GAB2: variants seen among roughly 807,000 people sequenced by gnomAD.
GAB2 encodes GRB2 associated binding protein 2.
Under a neutral mutation model 65.5 loss-of-function variants are expected in GAB2, and 26 were observed. That is an observed-to-expected ratio of 0.40 (90% CI 0.29 to 0.55). The LOEUF is 0.55. GAB2 is among the 20% of genes least tolerant of loss of function. The pLI is 0.53. For missense variants in GAB2, 884 were observed against 875.8 expected (o/e 1.01, Z -0.12); for synonymous variants, 321 against 329.6 (o/e 0.97, Z 0.28).
rs772994383 is a variant in GAB2 at position 78,219,429 on chromosome 11, G to A, written c.1888-14C>T. 2.5e-6 allele frequency: 4 copies of A among 1,613,306 alleles called. No homozygotes were observed. The highest frequency in any genetic ancestry group is 3.3e-5 in the Admixed American group (2 of 59,988). ...TGAAGTAGATGGCTGAGGGGACAGA[G>A]TGGGAAAGAGGGAGTAGCTGTGAGT... On this transcript the variant is annotated splice_polypyrimidine_tract_variant and intron_variant, in intron 9 of 9. Transcript: ENST00000361507.
At chr11:78,272,083 T>C (rs1272365634) in intron 2 of GAB2, among the ~76,000 whole-genome samples, 1 of 152,218 alleles carries the variant, frequency 6.6e-6, no homozygotes, top group African/African-American at 2.4e-5. Flanking sequence ...GAACTGTAAC[T>C]CCATTATGTC....
rs56709163 is a variant in GAB2, at chr11:78,322,298, C to CAAA, written c.76-41400_76-41398dup. Among the ~76,000 whole-genome samples, 33 of 12,078 alleles carry CAAA rather than the reference C, an allele frequency of 2.7e-3. 2 individuals carry two copies. Among genetic ancestry groups the CAAA allele is most frequent in the African/African-American group, 6.2e-3 (31 of 4,970 alleles). The allele number at this position is 12,078 out of a possible 152,430, so 7.9% of individuals were successfully genotyped here. A position where few individuals can be genotyped will look rare whatever the true frequency, so the allele number is the denominator to read the frequency against. On this transcript the variant is annotated intron_variant, in intron 1 of 9. Transcript: ENST00000361507. The stretch of plus-strand genomic sequence containing the variant: ...TGGCTGACAGAGGGAGACTCTGTCT[C>CAAA]AAAAAAAAAAAAAAAAAAAAAAAAA...
intron 1 of GAB2, among the ~76,000 whole-genome samples, chr11:78,347,821 C>A (rs1037188430): frequency 3.9e-5 from 6 of 152,114 alleles, no homozygotes; most frequent in African/African-American, 1.4e-4. Context: ...AAGGAAAGGG[C>A]ATGACACAAA....
intron 1 of GAB2, among the ~76,000 whole-genome samples, chr11:78,398,435 T>C (rs889195604): frequency 6.6e-6 from 1 of 152,180 alleles, no homozygotes. Flanking sequence ...TTATAAGACT[T>C]ATGTACATGT....
intron 2 of GAB2, among the ~76,000 whole-genome samples, chr11:78,257,873 G>T (rs1365531759): frequency 6.6e-6 from 1 of 151,912 alleles, no homozygotes; most frequent in Non-Finnish European, 1.5e-5. Context: ...AAACTCTGGG[G>T]TCACACAGCC....
intron 2 of GAB2, among the ~76,000 whole-genome samples, chr11:78,254,168 A>G (rs905887260): frequency 1.4e-4 from 22 of 152,312 alleles, no homozygotes; most frequent in African/African-American, 5.3e-4. Flanking sequence ...AAGGATGAAA[A>G]GAATGAAATA....
chr11:78,233,492 A>G (rs1864902625), intron 3 of GAB2, among the ~76,000 whole-genome samples: 1 of 152,184 alleles, frequency 6.6e-6, no homozygotes, highest in South Asian at 2.1e-4. Context: ...TTTTTTGCCC[A>G]TTAAAAAAAT....
intron 1 of GAB2, among the ~76,000 whole-genome samples, chr11:78,299,719 AG>A (rs1866939657): frequency 6.6e-6 from 1 of 152,250 alleles, no homozygotes; most frequent in African/African-American, 2.4e-5. Context: ...AGATTAATTC[AG>A]GTGATCAAGT....
intron 1 of GAB2, among the ~76,000 whole-genome samples, chr11:78,380,212 A>AT (rs1856679925): frequency 2.6e-5 from 1 of 37,986 alleles, no homozygotes; most frequent in East Asian, 7.5e-4. Context: ...TTGAATGAGA[A>AT]CTTTTTTTTT....
intron 3 of GAB2, chr11:78,232,013 G>A (rs1463300611): frequency 1.3e-5 from 2 of 152,218 alleles, no homozygotes; most frequent in East Asian, 3.8e-4. Context: ...TATGAGATGA[G>A]GCAATCTTTG....
chr11:78,360,675 T>C (rs1234654625), intron 1 of GAB2, among the ~76,000 whole-genome samples: 1 of 152,050 alleles, frequency 6.6e-6, no homozygotes, highest in Non-Finnish European at 1.5e-5. Flanking sequence ...CTGGCCAACA[T>C]GGCGAAAACC....
At chr11:78,249,104 G>C (rs1176509008) in intron 3 of GAB2, among the ~76,000 whole-genome samples, 1 of 152,184 alleles carries the variant, frequency 6.6e-6, no homozygotes, top group Non-Finnish European at 1.5e-5. Flanking sequence ...AACAAAAGTA[G>C]GGTAGCATAG....
intron 3 of GAB2, among the ~76,000 whole-genome samples, chr11:78,246,222 G>A (rs1467236856): frequency 6.6e-6 from 1 of 151,758 alleles, no homozygotes; most frequent in Non-Finnish European, 1.5e-5. Flanking sequence ...GTGAGCCACA[G>A]TGTCCGGTGG....
rs56709163 is a variant in GAB2 at position 78,322,298 on chromosome 11, C to CAAAA, written c.76-41401_76-41398dup. ...TGGCTGACAGAGGGAGACTCTGTCT[C>CAAAA]AAAAAAAAAAAAAAAAAAAAAAAAA... On this transcript the variant is annotated intron_variant, in intron 1 of 9. Transcript: ENST00000361507. Among the ~76,000 whole-genome samples the CAAAA allele has an allele frequency of 2.1e-3, 25 of 12,070 alleles. 2 individuals carry two copies. The highest frequency in any genetic ancestry group is 2.7e-3 in the Non-Finnish European group (12 of 4,428). The allele number at this position is 12,070 out of a possible 152,430, so 7.9% of individuals were successfully genotyped here.
intron 3 of GAB2, among the ~76,000 whole-genome samples, chr11:78,246,263 G>A (rs1384641739): frequency 6.6e-6 from 1 of 152,120 alleles, no homozygotes; most frequent in Admixed American, 6.5e-5. Flanking sequence ...TTAGTTTCAA[G>A]TGTGTTTTCC....
At chr11:78,243,575 T>C (rs1865204724) in intron 3 of GAB2, among the ~76,000 whole-genome samples, 1 of 152,142 alleles carries the variant, frequency 6.6e-6, no homozygotes, top group Non-Finnish European at 1.5e-5. Flanking sequence ...GTGCAGTGGC[T>C]CATGCCTGTA....
At chr11:78,261,266 C>T (rs916116038) in intron 2 of GAB2, among the ~76,000 whole-genome samples, 16 of 152,056 alleles carry the variant, frequency 1.1e-4, no homozygotes, top group Non-Finnish European at 2.2e-4. Context: ...CCGGCCTGGG[C>T]GACAGAGTGA....
chr11:78,264,271 G>T (rs1446850844), intron 2 of GAB2, among the ~76,000 whole-genome samples: 1 of 151,062 alleles, frequency 6.6e-6, no homozygotes, highest in Non-Finnish European at 1.5e-5. Flanking sequence ...CCATATTCTG[G>T]GTCTTCTTTA....
chr11:78,224,275 A>G (rs1341660785), intron 5 of GAB2, among the ~76,000 whole-genome samples: 1 of 152,166 alleles, frequency 6.6e-6, no homozygotes, highest in Non-Finnish European at 1.5e-5. Context: ...GGCATAGTCC[A>G]TAGACTGTAG....
Sources: allele counts gnomAD v4.1 joint callset (sites outside exome capture counted in the v4.1 genomes callset), GRCh38; gene constraint gnomAD v4.1.1; transcripts MANE v1.5; gene names NCBI Gene and HGNC (gene_info 2026-07-23, HGNC 2026-07-21).